RP2: variants seen among roughly 807,000 people sequenced by gnomAD.
RP2 encodes RP2 activator of ARL3 GTPase.
RP2 carries 3 observed loss-of-function variants against 20.3 expected under a neutral mutation model. That is an observed-to-expected ratio of 0.15 (90% confidence interval 0.07 to 0.38). The LOEUF is 0.38. Among genes scored for constraint, RP2 ranks in the 10% least tolerant of loss-of-function variants. RP2 has a pLI of 1.00. For synonymous variants in RP2, 75 were observed against 94.8 expected, an observed-to-expected ratio of 0.79 and a Z score of 1.22; for missense variants, 233 against 268.5, an observed-to-expected ratio of 0.87 and a Z score of 0.92.
At chrX:46,844,360 G>A (rs1216380394) in intron 1 of RP2, among the ~76,000 whole-genome samples, 2 of 95,794 alleles carry the variant, frequency 2.1e-5, no homozygotes, top group African/African-American at 8.0e-5. Context: ...CCCGGTGTGT[G>A]ATGTTCCCCT....
intron 1 of RP2, among the ~76,000 whole-genome samples, chrX:46,849,328 C>G (rs1182587180): frequency 1.8e-5 from 2 of 110,245 alleles, no homozygotes; most frequent in Non-Finnish European, 3.8e-5. Flanking sequence ...GTAGCTAGGA[C>G]TACAGGCGCA....
chrX:46,851,178 A>T (rs1556318033), intron 1 of RP2, among the ~76,000 whole-genome samples: 1 of 112,105 alleles, frequency 8.9e-6, no homozygotes, highest in Non-Finnish European at 1.9e-5. Context: ...CCTATGGTGC[A>T]TGAATGGTTT....
intron 1 of RP2, among the ~76,000 whole-genome samples, chrX:46,846,730 A>G (rs1471713080): frequency 5.4e-5 from 6 of 111,370 alleles, no homozygotes; most frequent in Non-Finnish European, 1.1e-4. Flanking sequence ...TTGTCAGGTT[A>G]ATTTGTTTTT....
At chrX:46,837,352 G>A (rs782179318) in intron 1 of RP2, 150 bp downstream of exon 1, 33 of 617,633 alleles carry the variant, frequency 5.3e-5, no homozygotes, top group Non-Finnish European at 8.7e-5. Context: ...ACTTTTTTGG[G>A]GAGCGGGGAC....
In RP2 at chrX:46,860,107, C is replaced by G. The variant is rs1460604441; in HGVS notation, c.883+5C>G. On this transcript the variant is annotated splice_donor_5th_base_variant and intron_variant, in intron 3 of 4. Coordinates refer to ENST00000218340, the MANE Select transcript of RP2 (RefSeq NM_006915.3). ...TCCTTCCTCTTCTGAACAAAGGTAC[C>G]TTCTGGATGATTGGTATACTTTTGT... 4 of 1,122,583 alleles carry G rather than the reference C, an allele frequency of 3.6e-6. No homozygotes were observed. Among genetic ancestry groups the G allele is most frequent in the Non-Finnish European group, 4.9e-6 (4 of 814,393 alleles). The allele number at this position is 1,122,583 out of a possible 1,213,427, so 92.5% of individuals were successfully genotyped here.
chrX:46,840,830 G>C (rs1210822892), intron 1 of RP2, among the ~76,000 whole-genome samples: 1 of 112,219 alleles, frequency 8.9e-6, no homozygotes, highest in Non-Finnish European at 1.9e-5. Flanking sequence ...AACAATTATG[G>C]CTTAAGTGTG....
Position 46,878,150 on chromosome X carries a change from G to A in RP2, c.969+560G>A, listed in dbSNP as rs373114503. Among the ~76,000 whole-genome samples the A allele has an allele frequency of 4.4e-4, 48 of 109,543 alleles. No individual in the cohort carries two copies. In the East Asian group the frequency reaches 9.2e-3, roughly 21 times the overall value. On this transcript the variant is annotated intron_variant, in intron 4 of 4. Coordinates refer to ENST00000218340, the MANE Select transcript of RP2 (RefSeq NM_006915.3). ...AGCACTTTGGGAGGCCGAGGTGGGC[G>A]GATCACGAGGTCAGGAGATCGAGAC...
chrX:46,879,397 T>C (rs1453661766), intron 4 of RP2, among the ~76,000 whole-genome samples: 2 of 111,333 alleles, frequency 1.8e-5, no homozygotes, highest in Non-Finnish European at 3.8e-5. Flanking sequence ...TTCCGTAATA[T>C]TGAGTGTTGT....
chrX:46,876,150 C>T lies in RP2; in HGVS notation c.884-1355C>T, dbSNP rs782687889. On this transcript the variant is annotated intron_variant, in intron 3 of 4. Coordinates refer to ENST00000218340, the MANE Select transcript of RP2 (RefSeq NM_006915.3). ...CTATTTTTTTTTTGAGACATGGTCT[C>T]GCTCTGTTGTCCAGGCTAGAGTGCA... Among the ~76,000 whole-genome samples the T allele has an allele frequency of 5.7e-4, 63 of 109,641 alleles. 1 individual carries two copies. Among genetic ancestry groups the T allele is most frequent in the Non-Finnish European group, 1.1e-3 (56 of 52,452 alleles).
chrX:46,879,831 A>G lies in RP2; in HGVS notation c.*62A>G, dbSNP rs933510796. ...TCCCAACTTGTGAATATAGAATTTG[A>G]TAATACACTTTTGTGTATTAGCAAT... On this transcript the variant is annotated 3_prime_UTR_variant, in exon 5 of 5. Coordinates refer to ENST00000218340, the MANE Select transcript of RP2 (RefSeq NM_006915.3). 2.9e-6 allele frequency: 2 copies of G among 689,703 alleles called. No homozygotes were observed. Among genetic ancestry groups the G allele is most frequent in the Non-Finnish European group, 4.5e-6 (2 of 446,997 alleles). 56.8% of individuals were successfully genotyped at this position (689,703 alleles called of 1,213,427 possible). A position where few individuals can be genotyped will look rare whatever the true frequency, so the allele number is the denominator to read the frequency against.
intron 3 of RP2, among the ~76,000 whole-genome samples, chrX:46,861,182 C>T (rs1272092574): frequency 8.9e-6 from 1 of 112,052 alleles, no homozygotes; most frequent in Non-Finnish European, 1.9e-5. Flanking sequence ...GTGTATTGGA[C>T]ATCCTAAAGT....
intron 2 of RP2, among the ~76,000 whole-genome samples, chrX:46,856,833 CAAAAAT>C (rs1398979001): frequency 9.0e-6 from 1 of 111,049 alleles, no homozygotes; most frequent in Non-Finnish European, 1.9e-5. Flanking sequence ...AGAGAACAAA[CAAAAAT>C]AAAAAATAAA....
chrX:46,877,013 ATCACTT>A, intron 3 of RP2, among the ~76,000 whole-genome samples: 1 of 112,503 alleles, frequency 8.9e-6, no homozygotes, highest in Non-Finnish European at 1.9e-5. Context: ...TCAGATGGTC[ATCACTT>A]TTGGTGCCTG....
chrX:46,860,277 C>T lies in RP2; in HGVS notation c.883+175C>T, dbSNP rs187877057. Among the ~76,000 whole-genome samples the T allele has an allele frequency of 5.5e-3, 611 of 111,565 alleles. 3 individuals carry two copies. The highest frequency in any genetic ancestry group is 0.035 in the South Asian group (93 of 2,679). ...TTCACATCACTCAAGGAGCCCTAGA[C>T]AACTAACTAGAAATTAGGCATTCTT... On this transcript the variant is annotated intron_variant, in intron 3 of 4. Coordinates refer to ENST00000218340, the MANE Select transcript of RP2 (RefSeq NM_006915.3).
At chrX:46,858,883 AT>A (rs782613095) in intron 2 of RP2, among the ~76,000 whole-genome samples, 10 of 112,050 alleles carry the variant, frequency 8.9e-5, no homozygotes, top group African/African-American at 3.2e-4. Flanking sequence ...TCAATACATA[AT>A]TGTACCATAC....
At chrX:46,855,018 A>C (rs1556318921) in intron 2 of RP2, among the ~76,000 whole-genome samples, 3 of 111,504 alleles carry the variant, frequency 2.7e-5, no homozygotes, top group Non-Finnish European at 5.6e-5. Flanking sequence ...CACCTGCCTA[A>C]GCCTCCCAAA....
Position 46,879,915 on chromosome X carries a change from C to A in RP2, c.*146C>A. 2.7e-6 allele frequency: 1 copy of A among 364,103 alleles called. No homozygotes were observed. Among genetic ancestry groups the A allele is most frequent in the Non-Finnish European group, 4.8e-6 (1 of 206,829 alleles). The allele number at this position is 364,103 out of a possible 1,213,427, so 30.0% of individuals were successfully genotyped here. A position where few individuals can be genotyped will look rare whatever the true frequency, so the allele number is the denominator to read the frequency against. ...TTTTTTAATAAATTGTTGAGTATTACATCATTTACTTGAGGTTCAAAAATA... is the reference window on the plus strand; with the variant it reads ...TTTTTTAATAAATTGTTGAGTATTAAATCATTTACTTGAGGTTCAAAAATA... On this transcript the variant is annotated 3_prime_UTR_variant, in exon 5 of 5. Transcript: ENST00000218340.
Position 46,882,126 on chromosome X carries a change from A to G in RP2, c.*2357A>G, listed in dbSNP as rs1473858213. ...ATTCTAACCTTTGATAGTAATCAGA[A>G]TGTATTACATTTCATTTCTGAATAG... On this transcript the variant is annotated 3_prime_UTR_variant, in exon 5 of 5. Coordinates refer to ENST00000218340, the MANE Select transcript of RP2 (RefSeq NM_006915.3). 1 of 112,425 alleles carries G rather than the reference A, an allele frequency of 8.9e-6. No homozygotes were observed. The highest frequency in any genetic ancestry group is 1.9e-5 in the Non-Finnish European group (1 of 53,324). The allele number at this position is 112,425 out of a possible 1,213,427, so 9.3% of individuals were successfully genotyped here.
intron 3 of RP2, among the ~76,000 whole-genome samples, chrX:46,866,112 C>G (rs1556322397): frequency 9.0e-6 from 1 of 111,063 alleles, no homozygotes; most frequent in Non-Finnish European, 1.9e-5. Context: ...ATTTTGAACA[C>G]TTCCTTACTT....
Sources: gnomAD v4.1 joint callset for allele counts (sites outside exome capture counted in the v4.1 genomes callset) on GRCh38, gnomAD v4.1.1 for gene constraint, MANE v1.5 for transcripts, NCBI Gene and HGNC (gene_info 2026-07-23, HGNC 2026-07-21) for gene names.